The following SLC26A5 variants were observed in gnomAD, a reference collection of about 807,000 sequenced individuals.
The protein encoded by SLC26A5 is solute carrier family 26 member 5.
SLC26A5 carries 51 observed loss-of-function variants against 81.0 expected under a neutral mutation model. The observed-to-expected ratio is 0.63, with a 90% CI of 0.50 to 0.80. SLC26A5 has a LOEUF of 0.80. Ranked by LOEUF, SLC26A5 falls within the 30% of genes least tolerant of loss-of-function variation. The probability of loss-of-function intolerance (pLI) is 0.00; values close to 1 mark genes in which losing one functional copy is unlikely to be tolerated. For synonymous variants in SLC26A5, 325 were observed against 332.8 expected (o/e 0.98, Z 0.25); for missense variants, 771 against 905.8 (o/e 0.85, Z 1.91).
At chr7:103,365,565 G>C (rs539271805) in intron 19 of SLC26A5, among the ~76,000 whole-genome samples, 29 of 152,278 alleles carry the variant, frequency 1.9e-4, no homozygotes, top group African/African-American at 7.0e-4. Flanking sequence ...GAAGGCGAAG[G>C]TTGCACTGAG....
chr7:103,433,053 C>T (rs1826192404), intron 2 of SLC26A5, among the ~76,000 whole-genome samples: 1 of 152,080 alleles, frequency 6.6e-6, no homozygotes, highest in African/African-American at 2.4e-5. Context: ...CCTTGTTTCC[C>T]TAAGTAGTGG....
chr7:103,423,380 T>C (rs1019310212), intron 2 of SLC26A5, among the ~76,000 whole-genome samples: 1 of 152,144 alleles, frequency 6.6e-6, no homozygotes, highest in South Asian at 2.1e-4. Context: ...GAGCCTATAA[T>C]AAAAAGAAAT....
At chr7:103,380,180 A>G (rs1284195476) in intron 15 of SLC26A5, among the ~76,000 whole-genome samples, 2 of 152,216 alleles carry the variant, frequency 1.3e-5, no homozygotes, top group Non-Finnish European at 2.9e-5. Flanking sequence ...TTCATCAGAA[A>G]AAAACCATGC....
chr7:103,438,894 T>C (rs1826663927), intron 2 of SLC26A5, among the ~76,000 whole-genome samples: 1 of 152,296 alleles, frequency 6.6e-6, no homozygotes, highest in Non-Finnish European at 1.5e-5. Flanking sequence ...AACTTGAAAA[T>C]ACATTTTAAT....
At chr7:103,374,041 TA>T (rs1821167499), downstream of SLC26A5, among the ~76,000 whole-genome samples, 1 of 152,212 alleles carries the variant, frequency 6.6e-6, no homozygotes, top group Non-Finnish European at 1.5e-5. Context: ...AAAGAACCAC[TA>T]CTTATCTGTA....
intron 19 of SLC26A5, among the ~76,000 whole-genome samples, chr7:103,365,360 G>A (rs1820656504): frequency 6.6e-6 from 1 of 152,124 alleles, no homozygotes; most frequent in East Asian, 1.9e-4. Flanking sequence ...GGCCAGGCAC[G>A]GTGGCTCATG....
chr7:103,437,605 AAAAG>A (rs1826546940), intron 2 of SLC26A5, among the ~76,000 whole-genome samples: 1 of 152,268 alleles, frequency 6.6e-6, no homozygotes. Context: ...TCAGCCTTAA[AAAAG>A]AAAGAAATCA....
intron 2 of SLC26A5, among the ~76,000 whole-genome samples, chr7:103,442,445 T>C (rs1324366413): frequency 1.3e-5 from 2 of 152,142 alleles, no homozygotes; most frequent in African/African-American, 2.4e-5. Context: ...GCCCACACTT[T>C]CACTATTGAA....
At chr7:103,394,384 C>G (rs1041211690) in intron 9 of SLC26A5, among the ~76,000 whole-genome samples, 1 of 152,198 alleles carries the variant, frequency 6.6e-6, no homozygotes, top group African/African-American at 2.4e-5. Flanking sequence ...CCTGGGGGGT[C>G]TGGCTATAAA....
rs1586179656 is a variant in SLC26A5 at position 103,367,737 on chromosome 7, C to G, written c.2041+9071G>C. The G allele has an allele frequency of 6.2e-7, 1 of 1,613,634 alleles. No individual in the cohort carries two copies. Among genetic ancestry groups the G allele is most frequent in the East Asian group, 2.2e-5 (1 of 44,894 alleles). On this transcript the variant is annotated intron_variant, in intron 19 of 19. Coordinates refer to the SLC26A5 transcript ENST00000339444. The surrounding 1 kb of genome is among the most constrained non-coding windows in gnomAD (Gnocchi z 6.1). Reference sequence around the variant, plus strand: ...GGGTCGGACCCACATATTTAAGATTCACGCTCGTTCAATGAGTGTTGAAAG... The same window carrying G: ...GGGTCGGACCCACATATTTAAGATTGACGCTCGTTCAATGAGTGTTGAAAG...
At chr7:103,394,865 T>G (rs1311969078) in intron 9 of SLC26A5, among the ~76,000 whole-genome samples, 1 of 152,236 alleles carries the variant, frequency 6.6e-6, no homozygotes, top group Admixed American at 6.5e-5. Context: ...TATGAGTGCC[T>G]TAAGAGGCCT....
At chr7:103,441,383 T>A (rs1826868363) in intron 2 of SLC26A5, among the ~76,000 whole-genome samples, 1 of 152,176 alleles carries the variant, frequency 6.6e-6, no homozygotes, top group Non-Finnish European at 1.5e-5. Context: ...TTAAGAAGAA[T>A]TTTCCAAGTG....
At chr7:103,406,565 G>C (rs988026026) in intron 8 of SLC26A5, among the ~76,000 whole-genome samples, 2 of 152,134 alleles carry the variant, frequency 1.3e-5, no homozygotes, top group African/African-American at 4.8e-5. Context: ...TGGAAATGCA[G>C]AAATCACCCA....
intron 2 of SLC26A5, among the ~76,000 whole-genome samples, chr7:103,442,282 C>A (rs991329168): frequency 3.3e-5 from 5 of 152,148 alleles, no homozygotes; most frequent in Admixed American, 3.3e-4. Flanking sequence ...GGATTACAGG[C>A]ATGTGCCACC....
rs189193357 is a variant in SLC26A5 at position 103,353,813 on chromosome 7, C to T, written c.2042-887G>A. On this transcript the variant is annotated intron_variant, in intron 19 of 19. Coordinates refer to the SLC26A5 transcript ENST00000339444. ...TCATAATCTTGCTTGATTTTTGACA[C>T]TCACTTAAAACAATTTGAATCGAAC... is the stretch of plus-strand genomic sequence containing the variant. The T allele has an allele frequency of 3.8e-3, 3,460 of 916,284 alleles. 16 individuals carry two copies. Among genetic ancestry groups the T allele is most frequent in the Non-Finnish European group, 4.6e-3 (2,707 of 593,122 alleles). The allele number at this position is 916,284 out of a possible 1,614,324, so 56.8% of individuals were successfully genotyped here.
chr7:103,432,064 T>C (rs1418301170), intron 2 of SLC26A5, among the ~76,000 whole-genome samples: 1 of 152,056 alleles, frequency 6.6e-6, no homozygotes, highest in Non-Finnish European at 1.5e-5. Flanking sequence ...TACAGGTGCA[T>C]GCCACCACAC....
At chr7:103,355,760 C>T (rs1335507977) in intron 19 of SLC26A5, 1 of 1,614,030 alleles carries the variant, frequency 6.2e-7, no homozygotes, top group Non-Finnish European at 8.5e-7. Flanking sequence ...GATAAGCAGA[C>T]ACTCCAGAGT....
downstream of SLC26A5, among the ~76,000 whole-genome samples, chr7:103,369,844 A>C (rs1292100218): frequency 6.6e-6 from 1 of 152,372 alleles, no homozygotes. Context: ...AAATGTGATT[A>C]GGTGTATTAA....
At position 103,389,025 on chromosome 7, in the gene SLC26A5, C is replaced by A; in HGVS notation, c.1497G>T (p.Val499=). Residue 499 remains valine (V), a synonymous_variant, in exon 14 of 20, where the codon GTG becomes GTT. Transcript: ENST00000306312. ...GCACTCACCTCTGTGTTCTGTAAATCACAGTCAGCAGAGCAATGATCACAG... is the reference window on the plus strand; with the variant it reads ...GCACTCACCTCTGTGTTCTGTAAATAACAGTCAGCAGAGCAATGATCACAG... ...ITAVIIALLT[V]IYRTQSPSYK... 1.2e-6 allele frequency: 2 copies of A among 1,612,370 alleles called. No individual in the cohort carries two copies. The highest frequency in any genetic ancestry group is 2.2e-5 in the South Asian group (2 of 90,902).
Sources: allele counts gnomAD v4.1 joint callset (sites outside exome capture counted in the v4.1 genomes callset), GRCh38; gene constraint gnomAD v4.1.1; non-coding constraint Gnocchi (gnomAD v3.1); transcripts MANE v1.5; gene names NCBI Gene and HGNC (gene_info 2026-07-23, HGNC 2026-07-21).